NCAM2: variants seen among roughly 807,000 people sequenced by gnomAD.
The protein encoded by NCAM2 is N-CAM-2.
NCAM2 carries 30 observed loss-of-function variants against 98.1 expected under a neutral mutation model. That is an observed-to-expected ratio of 0.31 (90% CI 0.23 to 0.41). The LOEUF is 0.41. Among genes scored for constraint, NCAM2 ranks in the 10% least tolerant of loss-of-function variants. The pLI is 1.00. For synonymous variants in NCAM2, 368 were observed against 342.4 expected, an observed-to-expected ratio of 1.07 and a Z score of -0.83; for missense variants, 867 against 1,005.8, an observed-to-expected ratio of 0.86 and a Z score of 1.87.
chr21:21,510,419 T>C (rs1988291042), intron 16 of NCAM2, among the ~76,000 whole-genome samples: 1 of 152,128 alleles, frequency 6.6e-6, no homozygotes, highest in Admixed American at 6.6e-5. Context: ...ATTTTGGAAC[T>C]TCACATAAAT....
intron 1 of NCAM2, among the ~76,000 whole-genome samples, chr21:21,108,858 A>C (rs2066399961): frequency 6.6e-6 from 1 of 152,122 alleles, no homozygotes; most frequent in South Asian, 2.1e-4. Context: ...TTTGTTTATA[A>C]GTCAGATCAT....
chr21:21,468,671 G>A lies in NCAM2; in HGVS notation c.1784G>A (p.Ser595Asn), dbSNP rs1199999018. ...IFQTLPVREP[S>N]PPSIHGQPSS... is the part of the protein sequence containing the mutation. ...TGTATTGTATATCTAGGTGAACCAA[G>A]TCCTCCATCCATACATGGACAGCCA... The change falls in exon 14 of 18, where the codon AGT becomes AAT. Residue 595 changes from serine to asparagine, a missense_variant. By Grantham distance (46) the Ser-to-Asn change is conservative. Around this residue, in one of 5 missense-constraint regions of NCAM2, gnomAD observed 234 missense variants for 333.8 expected, o/e 0.70. Coordinates refer to ENST00000400546, the MANE Select transcript of NCAM2 (RefSeq NM_004540.5). 3.1e-6 allele frequency: 5 copies of A among 1,610,558 alleles called. No homozygotes were observed. The African/African-American group carries it at 6.7e-5, about 22-fold the overall frequency.
At chr21:21,251,744 GT>G (rs3037910) in intron 1 of NCAM2, among the ~76,000 whole-genome samples, 73 of 143,570 alleles carry the variant, frequency 5.1e-4, no homozygotes, top group African/African-American at 1.8e-3. Context: ...ACTTTTTGAT[GT>G]TTTTTTTTTT....
chr21:21,435,117 A>C (rs2077439794), intron 12 of NCAM2, among the ~76,000 whole-genome samples: 1 of 152,168 alleles, frequency 6.6e-6, no homozygotes, highest in Non-Finnish European at 1.5e-5. Context: ...CCTTTACTTC[A>C]GCAGGATTTC....
intron 5 of NCAM2, among the ~76,000 whole-genome samples, chr21:21,308,793 G>A (rs560374501): frequency 1.3e-5 from 2 of 151,946 alleles, no homozygotes; most frequent in Admixed American, 1.3e-4. Flanking sequence ...TCATTTTCCG[G>A]ATAATTTTCA....
At chr21:21,379,448 A>G (rs2076103951) in intron 9 of NCAM2, among the ~76,000 whole-genome samples, 1 of 151,958 alleles carries the variant, frequency 6.6e-6, no homozygotes, top group Non-Finnish European at 1.5e-5. Flanking sequence ...CCAATATTGT[A>G]GTATGTTGCA....
At chr21:21,265,411 TATATATA>T (rs2072208044) in intron 1 of NCAM2, among the ~76,000 whole-genome samples, 2 of 59,654 alleles carry the variant, frequency 3.4e-5, no homozygotes, top group African/African-American at 1.1e-4. Flanking sequence ...TATATATGTG[TATATATA>T]ATATATGTGT....
At chr21:21,276,980 C>G (rs1208679094) in intron 1 of NCAM2, among the ~76,000 whole-genome samples, 1 of 151,924 alleles carries the variant, frequency 6.6e-6, no homozygotes, top group Non-Finnish European at 1.5e-5. Context: ...TTAAGATCAA[C>G]AAATCAGTAT....
chr21:21,418,647 T>C (rs2077042962), intron 11 of NCAM2, 78 bp downstream of exon 11: 2 of 1,046,568 alleles, frequency 1.9e-6, no homozygotes, highest in African/African-American at 1.6e-5. Flanking sequence ...GATAAAGTGG[T>C]CTCATTTACA....
intron 13 of NCAM2, among the ~76,000 whole-genome samples, chr21:21,467,428 T>TTATATATATATATATCTTTA (rs72131936): frequency 7.1e-6 from 1 of 140,734 alleles, no homozygotes; most frequent in South Asian, 2.2e-4. Context: ...ATATATCTTT[T>TTATATATATATATATCTTTA]TATATATATA....
Position 21,538,847 on chromosome 21 carries a change from A to G in NCAM2, c.*890A>G, listed in dbSNP as rs1354062661. On this transcript the variant is annotated 3_prime_UTR_variant, in exon 18 of 18. Coordinates refer to ENST00000400546, the MANE Select transcript of NCAM2 (RefSeq NM_004540.5). ...TTTTAAAATAATTTATCAAAAAACA[A>G]GTCTTTAGTGTTCAAATACTTCAAA... The G allele has an allele frequency of 6.6e-6, 1 of 152,142 alleles. No homozygotes were observed. Among genetic ancestry groups the G allele is most frequent in the African/African-American group, 2.4e-5 (1 of 41,450 alleles). The allele number at this position is 152,142 out of a possible 1,614,324, so 9.4% of individuals were successfully genotyped here. A position where few individuals can be genotyped will look rare whatever the true frequency, so the allele number is the denominator to read the frequency against.
chr21:21,214,061 A>T (rs1287011603), intron 1 of NCAM2, among the ~76,000 whole-genome samples: 2 of 152,190 alleles, frequency 1.3e-5, no homozygotes, highest in Non-Finnish European at 2.9e-5. Flanking sequence ...GTAAGACATA[A>T]CAAAACTAAA....
intron 10 of NCAM2, among the ~76,000 whole-genome samples, chr21:21,410,731 G>A (rs981907292): frequency 4.0e-5 from 6 of 151,356 alleles, no homozygotes; most frequent in Admixed American, 6.6e-5. Flanking sequence ...TTATATGGCC[G>A]GGCGCAGTGG....
intron 15 of NCAM2, among the ~76,000 whole-genome samples, chr21:21,485,008 T>C (rs233761): frequency 0.76 from 114,883 of 151,246 alleles, 44,028 homozygotes; most frequent in African/African-American, 0.83. Flanking sequence ...ACTACTATTG[T>C]TTTTTTTACT....
intron 1 of NCAM2, among the ~76,000 whole-genome samples, chr21:21,093,125 TG>T (rs528013725): frequency 3.0e-4 from 45 of 152,180 alleles, no homozygotes; most frequent in African/African-American, 9.9e-4. Context: ...AATAATAAAT[TG>T]GGTCAAGGTT....
Position 21,265,008 on chromosome 21 carries a change from A to C in NCAM2, c.56-15570A>C, listed in dbSNP as rs1351378943. On this transcript the variant is annotated intron_variant, in intron 1 of 17. Transcript: ENST00000400546. ...TATATGTGTATGTGTATATATACAC[A>C]TATATATTATATATGTGTCTGTGTA... Among the ~76,000 whole-genome samples the C allele has an allele frequency of 2.1e-4, 19 of 91,836 alleles. 1 individual carries two copies. The highest frequency in any genetic ancestry group is 8.4e-4 in the Admixed American group (6 of 7,184). The allele number at this position is 91,836 out of a possible 152,430, so 60.2% of individuals were successfully genotyped here.
intron 16 of NCAM2, among the ~76,000 whole-genome samples, chr21:21,525,040 C>T (rs1051673702): frequency 4.6e-5 from 7 of 152,004 alleles, no homozygotes; most frequent in African/African-American, 1.2e-4. Flanking sequence ...TCCTTGAATA[C>T]ATATATTAGA....
intron 1 of NCAM2, among the ~76,000 whole-genome samples, chr21:21,097,044 C>T (rs2142290): frequency 6.6e-6 from 1 of 151,602 alleles, no homozygotes; most frequent in South Asian, 2.1e-4. Context: ...ATTTTAGTTT[C>T]TCCCTTGAAC....
intron 16 of NCAM2, among the ~76,000 whole-genome samples, chr21:21,526,809 A>T (rs1166575289): frequency 6.6e-6 from 1 of 152,150 alleles, no homozygotes; most frequent in Non-Finnish European, 1.5e-5. Flanking sequence ...AAACCTCAGA[A>T]ATAGACCTAC....
Sources: allele counts gnomAD v4.1 joint callset (sites outside exome capture counted in the v4.1 genomes callset), GRCh38; gene constraint gnomAD v4.1.1; regional missense constraint gnomAD v4.1.1; transcripts MANE v1.5; gene names NCBI Gene and HGNC (gene_info 2026-07-23, HGNC 2026-07-21).